Variants in PARD3B observed in about 807,000 individuals in gnomAD.
PARD3B encodes par-3 family cell polarity regulator beta.
A neutral mutation model predicts 130.2 loss-of-function variants in PARD3B; 103 were observed. The ratio of observed to expected loss-of-function variants is 0.79; its 90% CI spans 0.67 to 0.93. The LOEUF (loss-of-function observed/expected upper bound fraction) is 0.93. Ranked by LOEUF, PARD3B falls within the 40% of genes least tolerant of loss-of-function variation. The probability of loss-of-function intolerance (pLI) is 0.00; values close to 1 mark genes in which losing one functional copy is unlikely to be tolerated. For missense variants in PARD3B, 1,609 were observed against 1,499.2 expected, an observed-to-expected ratio of 1.07 and a Z score of -1.21; for synonymous variants, 583 against 553.2, an observed-to-expected ratio of 1.05 and a Z score of -0.76.
chr2:205,206,871 T>C (rs1276630908), intron 15 of PARD3B, among the ~76,000 whole-genome samples: 1 of 150,406 alleles, frequency 6.6e-6, no homozygotes, highest in Non-Finnish European at 1.5e-5. Flanking sequence ...GCGGACCTAA[T>C]AGACATCTAC....
At chr2:204,618,319 G>T (rs1199678213) in intron 1 of PARD3B, among the ~76,000 whole-genome samples, 1 of 152,144 alleles carries the variant, frequency 6.6e-6, no homozygotes, top group Non-Finnish European at 1.5e-5. Flanking sequence ...CAAAGACCTG[G>T]ATTGGAAACC....
chr2:205,338,463 T>C (rs1010557327), intron 18 of PARD3B, among the ~76,000 whole-genome samples: 3 of 152,208 alleles, frequency 2.0e-5, no homozygotes, highest in African/African-American at 7.2e-5. Context: ...ATATTCTATC[T>C]AGTTCTGGCA....
At chr2:205,469,390 A>C (rs1035684047) in intron 20 of PARD3B, among the ~76,000 whole-genome samples, 2 of 152,046 alleles carry the variant, frequency 1.3e-5, no homozygotes, top group African/African-American at 4.8e-5. Context: ...GGTTTTAGTG[A>C]TCCCACATGT....
intron 10 of PARD3B, among the ~76,000 whole-genome samples, chr2:205,145,431 T>A (rs1184605865): frequency 6.6e-6 from 1 of 152,240 alleles, no homozygotes; most frequent in Non-Finnish European, 1.5e-5. Flanking sequence ...AGAACGTACC[T>A]GCTGCTCTGC....
rs1301860631 is a variant in PARD3B at position 205,274,404 on chromosome 2, A to G, written c.2186-26126A>G. 6.6e-6 allele frequency among the ~76,000 whole-genome samples: 1 copy of G among 152,098 alleles called. No homozygotes were observed. Among genetic ancestry groups the G allele is most frequent in the Non-Finnish European group, 1.5e-5 (1 of 67,986 alleles). On this transcript the variant is annotated intron_variant, in intron 16 of 22. Transcript: ENST00000406610. The surrounding 1 kb of genome is among the most constrained non-coding windows in gnomAD (Gnocchi z 4.2). ...ATTCCTTAAGTGCTTTTAGTAACTT[A>G]TATTGCAGTGACTTTAATATTACTG...
Position 205,451,692 on chromosome 2 carries a change from A to G in PARD3B, c.3044+11020A>G, listed in dbSNP as rs1036501452. On this transcript the variant is annotated intron_variant, in intron 20 of 22. Coordinates refer to ENST00000406610, the MANE Select transcript of PARD3B (RefSeq NM_001302769.2). The stretch of plus-strand genomic sequence containing the variant: ...ATTTTTGTGATTATGTAATAGGTAT[A>G]TATATATATATATATATGTATTTAT... Among the ~76,000 whole-genome samples the G allele has an allele frequency of 4.7e-3, 574 of 120,942 alleles. 2 individuals are homozygous for G. The highest frequency in any genetic ancestry group is 0.022 in the African/African-American group (551 of 24,978). 79.3% of individuals were successfully genotyped at this position (120,942 alleles called of 152,430 possible). A position where few individuals can be genotyped will look rare whatever the true frequency, so the allele number is the denominator to read the frequency against.
chr2:205,149,417 TA>T (rs1448154698), intron 10 of PARD3B, among the ~76,000 whole-genome samples: 1 of 152,174 alleles, frequency 6.6e-6, no homozygotes, highest in Non-Finnish European at 1.5e-5. Context: ...AAACATTTTA[TA>T]TATGTACCAA....
rs1408009161 is a variant in PARD3B, at chr2:205,562,274, C to G, written c.3260+8871C>G. On this transcript the variant is annotated intron_variant, in intron 22 of 22. Coordinates refer to ENST00000406610, the MANE Select transcript of PARD3B (RefSeq NM_001302769.2). The surrounding 1 kb of genome is among the most constrained non-coding windows in gnomAD (Gnocchi z 5.4). ...GAATATTTGATATTAATTATTCAGT[C>G]AAAGGCCTCCATTATGAGTTTAGTT... Among the ~76,000 whole-genome samples the G allele has an allele frequency of 6.6e-6, 1 of 152,114 alleles. No individual in the cohort carries two copies. Among genetic ancestry groups the G allele is most frequent in the Non-Finnish European group, 1.5e-5 (1 of 68,036 alleles).
chr2:204,933,455 G>T (rs1688175308), intron 2 of PARD3B, among the ~76,000 whole-genome samples: 1 of 152,136 alleles, frequency 6.6e-6, no homozygotes, highest in Admixed American at 6.6e-5. Flanking sequence ...TTTATTAAGT[G>T]TTTTGTTCAT....
At position 205,288,711 on chromosome 2, in the gene PARD3B, G is replaced by T. The variant is rs1030804661; in HGVS notation, c.2186-11819G>T. Among the ~76,000 whole-genome samples the T allele has an allele frequency of 6.6e-6, 1 of 152,092 alleles. No homozygotes were observed. Among genetic ancestry groups the T allele is most frequent in the African/African-American group, 2.4e-5 (1 of 41,430 alleles). On this transcript the variant is annotated intron_variant, in intron 16 of 22. Transcript: ENST00000406610. This position sits in a 1 kb window ranked among gnomAD's most constrained non-coding sequence, Gnocchi z 4.0. ...CCGGTGTCCCCACCCCCCAGGAGAC[G>T]TGTTTGGACTTTTCCTCATGCCTTT...
At chr2:204,961,037 G>A (rs1690701306) in intron 2 of PARD3B, among the ~76,000 whole-genome samples, 1 of 152,160 alleles carries the variant, frequency 6.6e-6, no homozygotes, top group Non-Finnish European at 1.5e-5. Context: ...TAGTGCAGCT[G>A]GATGGAGTCC....
At chr2:205,451,496 TC>T (rs1310794221) in intron 20 of PARD3B, among the ~76,000 whole-genome samples, 1 of 152,180 alleles carries the variant, frequency 6.6e-6, no homozygotes, top group African/African-American at 2.4e-5. Context: ...CTCTTTTTTT[TC>T]AGTTCCCTTT....
At chr2:205,342,183 A>G (rs924410031) in intron 18 of PARD3B, among the ~76,000 whole-genome samples, 1 of 152,188 alleles carries the variant, frequency 6.6e-6, no homozygotes, top group Non-Finnish European at 1.5e-5. Flanking sequence ...TATTCAATTA[A>G]TATTTACTGA....
intron 20 of PARD3B, among the ~76,000 whole-genome samples, chr2:205,459,041 A>G (rs2048364376): frequency 1.3e-5 from 2 of 152,100 alleles, no homozygotes; most frequent in African/African-American, 4.8e-5. Context: ...CTCAACTCCA[A>G]TTCCTATCTT....
chr2:204,697,708 G>T (rs2037681798), intron 2 of PARD3B, among the ~76,000 whole-genome samples: 1 of 152,062 alleles, frequency 6.6e-6, no homozygotes, highest in Admixed American at 6.6e-5. Context: ...CACATCCGTT[G>T]TCCCCTTTCT....
intron 2 of PARD3B, among the ~76,000 whole-genome samples, chr2:204,752,634 C>A (rs937386104): frequency 6.6e-6 from 1 of 152,142 alleles, no homozygotes; most frequent in African/African-American, 2.4e-5. Context: ...GGAACAACTA[C>A]TACTTTATTT....
chr2:205,155,832 G>T (rs2034084488), intron 10 of PARD3B, among the ~76,000 whole-genome samples: 1 of 152,094 alleles, frequency 6.6e-6, no homozygotes, highest in Admixed American at 6.5e-5. Context: ...TTTTTTGGCT[G>T]CATAAGTGTC....
chr2:205,042,464 T>C (rs1286219718), intron 3 of PARD3B, among the ~76,000 whole-genome samples: 1 of 152,116 alleles, frequency 6.6e-6, no homozygotes, highest in East Asian at 1.9e-4. Context: ...GTGGAGAATA[T>C]TCTAGTGAGA....
At chr2:205,264,968 C>T (rs1253764682) in intron 16 of PARD3B, among the ~76,000 whole-genome samples, 2 of 150,920 alleles carry the variant, frequency 1.3e-5, no homozygotes, top group Non-Finnish European at 3.0e-5. Context: ...CTTAGTTTGC[C>T]TACTTCTTGC....
Sources: allele counts gnomAD v4.1 joint callset (sites outside exome capture counted in the v4.1 genomes callset), GRCh38; gene constraint gnomAD v4.1.1; non-coding constraint Gnocchi (gnomAD v3.1); transcripts MANE v1.5; gene names NCBI Gene and HGNC (gene_info 2026-07-23, HGNC 2026-07-21).